OXR1: variants seen among roughly 807,000 people sequenced by gnomAD.
OXR1 encodes oxidation resistance protein 1.
OXR1 carries 41 observed loss-of-function variants against 104.6 expected under a neutral mutation model. The ratio of observed to expected loss-of-function variants is 0.39; its 90% CI spans 0.31 to 0.51. The LOEUF is 0.51. OXR1 is among the 20% of genes least tolerant of loss of function. OXR1 has a pLI of 0.77. For synonymous variants in OXR1, 348 were observed against 348.4 expected, an observed-to-expected ratio of 1.00 and a Z score of 0.01; for missense variants, 955 against 1,031.9, an observed-to-expected ratio of 0.93 and a Z score of 1.02.
chr8:106,431,857 T>G (rs979771793), intron 2 of OXR1, among the ~76,000 whole-genome samples: 1 of 152,196 alleles, frequency 6.6e-6, no homozygotes, highest in Non-Finnish European at 1.5e-5. Context: ...AAGCAAACAT[T>G]TGATAACCTA....
intron 7 of OXR1, among the ~76,000 whole-genome samples, chr8:106,701,128 T>C (rs1444209139): frequency 2.0e-5 from 3 of 152,182 alleles, no homozygotes; most frequent in African/African-American, 7.2e-5. Context: ...ATGGATCTCA[T>C]TAAAATATTA....
In OXR1 at chr8:106,421,603, G is replaced by T. The variant is rs183077691; in HGVS notation, c.23+61967G>T. Among the ~76,000 whole-genome samples the T allele has an allele frequency of 4.6e-5, 7 of 152,190 alleles. No individual in the cohort carries two copies. In the East Asian group the frequency reaches 1.4e-3, roughly 30 times the overall value. On this transcript the variant is annotated intron_variant, in intron 2 of 16. Coordinates refer to ENST00000517566, the MANE Select transcript of OXR1 (RefSeq NM_001198533.2). ...GAGACAACTGGTCTCCCTTCCATAT[G>T]CTTCTCACATACTTGTCTATCACAT...
At chr8:106,576,476 AAAAAAAAAAG>A in intron 3 of OXR1, among the ~76,000 whole-genome samples, 1 of 150,130 alleles carries the variant, frequency 6.7e-6, no homozygotes, top group Admixed American at 6.6e-5. Flanking sequence ...CAAAAAAAAA[AAAAAAAAAAG>A]AAAACATCAA....
chr8:106,727,521 G>C (rs1833462659), intron 11 of OXR1, among the ~76,000 whole-genome samples: 1 of 152,116 alleles, frequency 6.6e-6, no homozygotes, highest in Non-Finnish European at 1.5e-5. Context: ...GGGCTCAAGT[G>C]ATCTTCCTGC....
intron 3 of OXR1, among the ~76,000 whole-genome samples, chr8:106,667,620 T>C (rs1206272494): frequency 6.6e-6 from 1 of 152,192 alleles, no homozygotes; most frequent in Non-Finnish European, 1.5e-5. Context: ...ATTATGATCA[T>C]TCTTTTTTCA....
At chr8:106,411,519 C>T (rs926260151) in intron 2 of OXR1, among the ~76,000 whole-genome samples, 1 of 152,158 alleles carries the variant, frequency 6.6e-6, no homozygotes, top group East Asian at 1.9e-4. Flanking sequence ...TGCCTTTTCT[C>T]TCATGTGATA....
At chr8:106,712,603 G>A (rs1322316715) in intron 10 of OXR1, among the ~76,000 whole-genome samples, 1 of 151,970 alleles carries the variant, frequency 6.6e-6, no homozygotes, top group East Asian at 1.9e-4. Context: ...GTACCTCTTG[G>A]AAAATCTTTA....
chr8:106,505,910 G>T (rs1028522673), intron 2 of OXR1, among the ~76,000 whole-genome samples: 10 of 152,326 alleles, frequency 6.6e-5, no homozygotes, highest in African/African-American at 2.2e-4. Flanking sequence ...AAAAATGCTT[G>T]CTCTGGTTGC....
chr8:106,624,971 T>C lies in OXR1; in HGVS notation c.221-54239T>C, dbSNP rs1822029959. On this transcript the variant is annotated intron_variant, in intron 3 of 16. Coordinates refer to ENST00000517566, the MANE Select transcript of OXR1 (RefSeq NM_001198533.2). ...TATGCCCGGCTAATTTTTCTATTTT[T>C]TGTAGAGATGGGGTTTCATCACATT... is the stretch of plus-strand genomic sequence containing the variant. Among the ~76,000 whole-genome samples the C allele has an allele frequency of 3.3e-5, 5 of 152,238 alleles. No homozygotes were observed. In the South Asian group the frequency reaches 1.0e-3, roughly 32 times the overall value.
At chr8:106,554,868 C>T (rs1816142444) in intron 3 of OXR1, among the ~76,000 whole-genome samples, 1 of 151,880 alleles carries the variant, frequency 6.6e-6, no homozygotes, top group African/African-American at 2.4e-5. Flanking sequence ...AAGAGTAGGA[C>T]CAAGGAATTG....
chr8:106,739,712 A>G (rs1380720329), intron 13 of OXR1, 129 bp downstream of exon 13: 2 of 833,640 alleles, frequency 2.4e-6, no homozygotes, highest in Non-Finnish European at 1.8e-6. Context: ...GTGAAAAGAA[A>G]GAGTAAGCAA....
rs539970990 is a variant in OXR1 at position 106,651,027 on chromosome 8, T to C, written c.221-28183T>C. 5.3e-5 allele frequency among the ~76,000 whole-genome samples: 8 copies of C among 152,310 alleles called. No homozygotes were observed. The East Asian group carries it at 1.5e-3, about 29-fold the overall frequency. ...AAAATTGCATCATTTCATACATCAGTAGGATAAATATCAAGAAGTGAGGAC... is the reference window on the plus strand; with the variant it reads ...AAAATTGCATCATTTCATACATCAGCAGGATAAATATCAAGAAGTGAGGAC... On this transcript the variant is annotated intron_variant, in intron 3 of 16. Transcript: ENST00000517566.
At chr8:106,493,761 A>T (rs950277621) in intron 2 of OXR1, among the ~76,000 whole-genome samples, 1 of 152,094 alleles carries the variant, frequency 6.6e-6, no homozygotes, top group African/African-American at 2.4e-5. Flanking sequence ...ATTTATATTT[A>T]TGGTTATTAT....
intron 2 of OXR1, among the ~76,000 whole-genome samples, chr8:106,390,804 G>T (rs941115338): frequency 6.6e-6 from 1 of 152,072 alleles, no homozygotes; most frequent in Non-Finnish European, 1.5e-5. Flanking sequence ...AAGTCAATAT[G>T]TATAGATTAC....
chr8:106,742,081 T>A (rs1210481399), intron 14 of OXR1, 141 bp from the exon 15 acceptor site: 1 of 576,156 alleles, frequency 1.7e-6, no homozygotes, highest in Non-Finnish European at 3.1e-6. Flanking sequence ...CAGCTAACCA[T>A]TTTTCCCTTT....
intron 1 of OXR1, among the ~76,000 whole-genome samples, chr8:106,346,595 T>C (rs1254837825): frequency 6.6e-6 from 1 of 152,164 alleles, no homozygotes; most frequent in Non-Finnish European, 1.5e-5. Context: ...TTTCTTTTTT[T>C]TTTTCACATC....
At chr8:106,377,693 T>A (rs981629933) in intron 2 of OXR1, among the ~76,000 whole-genome samples, 8 of 152,208 alleles carry the variant, frequency 5.3e-5, no homozygotes, top group East Asian at 1.9e-4. Context: ...TAATTTTTTT[T>A]AAGCAGCGAA....
chr8:106,670,234 T>A (rs561021421), intron 3 of OXR1, among the ~76,000 whole-genome samples: 1 of 152,154 alleles, frequency 6.6e-6, no homozygotes, highest in South Asian at 2.1e-4. Flanking sequence ...CTGAAGTAGC[T>A]AGGCCTCCCT....
chr8:106,589,307 C>T (rs754735822), intron 3 of OXR1, among the ~76,000 whole-genome samples: 13 of 150,400 alleles, frequency 8.6e-5, no homozygotes, highest in Non-Finnish European at 1.8e-4. Flanking sequence ...TGTCTCTAGG[C>T]AGCTTGGTGA....
Sources: allele counts gnomAD v4.1 joint callset (sites outside exome capture counted in the v4.1 genomes callset), GRCh38; gene constraint gnomAD v4.1.1; transcripts MANE v1.5; gene names NCBI Gene and HGNC (gene_info 2026-07-23, HGNC 2026-07-21).